Variants in DCDC2C observed in about 807,000 individuals in gnomAD.
DCDC2C encodes the protein doublecortin domain containing 2C.
DCDC2C carries 44 observed loss-of-function variants against 45.0 expected under a neutral mutation model. The ratio of observed to expected loss-of-function variants is 0.98; its 90% CI spans 0.77 to 1.26. The LOEUF (loss-of-function observed/expected upper bound fraction) is 1.26. Among genes scored for constraint, DCDC2C ranks in the 50% most tolerant of loss-of-function variants. DCDC2C has a pLI of 0.00. For synonymous variants in DCDC2C, 187 were observed against 178.8 expected (o/e 1.05, Z -0.37); for missense variants, 447 against 468.9 (o/e 0.95, Z 0.43).
intron 10 of DCDC2C, among the ~76,000 whole-genome samples, chr2:3,819,699 G>A (rs1671640798): frequency 6.6e-6 from 1 of 152,182 alleles, no homozygotes; most frequent in Non-Finnish European, 1.5e-5. Flanking sequence ...GAACTGGGCT[G>A]GGTTTTTATA....
At chr2:3,768,715 A>G (rs79561210) in intron 7 of DCDC2C, among the ~76,000 whole-genome samples, 15,447 of 152,170 alleles carry the variant, frequency 0.1, 1,076 homozygotes, top group East Asian at 0.3. Context: ...CTGGGACTAC[A>G]GGCACCTCTC....
At chr2:3,804,714 A>G (rs1671190783) in intron 10 of DCDC2C, among the ~76,000 whole-genome samples, 1 of 152,224 alleles carries the variant, frequency 6.6e-6, no homozygotes, top group Non-Finnish European at 1.5e-5. Flanking sequence ...ATTAGTTGTT[A>G]TAACAGACAT....
At chr2:3,788,160 G>A (rs1198796986) in intron 10 of DCDC2C, among the ~76,000 whole-genome samples, 3 of 152,050 alleles carry the variant, frequency 2.0e-5, no homozygotes, top group Admixed American at 1.3e-4. Flanking sequence ...ATTTCTCACT[G>A]GCTATTTTTT....
rs114205153 is a variant in DCDC2C at position 3,840,650 on chromosome 2, G to T, written c.1066-6504G>T. On this transcript the variant is annotated intron_variant, in intron 10 of 10. Coordinates refer to ENST00000399143, the MANE Select transcript of DCDC2C (RefSeq NM_001287444.2). Reference sequence around the variant, plus strand: ...AAATACCATGGTTTTACACATTTTGGTCAGCTTACTAATGTCTGGATTTTT... The same window carrying T: ...AAATACCATGGTTTTACACATTTTGTTCAGCTTACTAATGTCTGGATTTTT... Among the ~76,000 whole-genome samples, 1,231 of 152,112 alleles carry T rather than the reference G, an allele frequency of 8.1e-3. 21 individuals carry two copies. Among genetic ancestry groups the T allele is most frequent in the African/African-American group, 0.027 (1,140 of 41,486 alleles).
chr2:3,822,552 T>A (rs1671718709), intron 10 of DCDC2C, among the ~76,000 whole-genome samples: 2 of 151,774 alleles, frequency 1.3e-5, no homozygotes, highest in South Asian at 4.2e-4. Flanking sequence ...TTGCTGATTT[T>A]TTTTTTTCCA....
At chr2:3,755,455 ATG>A (rs918711334) in intron 6 of DCDC2C, among the ~76,000 whole-genome samples, 1,622 of 57,976 alleles carry the variant, frequency 0.028, 34 homozygotes, top group African/African-American at 0.078. Flanking sequence ...GTATGAATGC[ATG>A]TGTGTGTATG....
chr2:3,747,521 G>A (rs1392727550), intron 4 of DCDC2C, among the ~76,000 whole-genome samples: 1 of 152,198 alleles, frequency 6.6e-6, no homozygotes, highest in African/African-American at 2.4e-5. Context: ...TTGCCCCAGT[G>A]GACGTCACTT....
intron 6 of DCDC2C, 86 bp from the exon 7 acceptor site, chr2:3,767,668 C>G: frequency 6.8e-7 from 1 of 1,474,586 alleles, no homozygotes; most frequent in South Asian, 1.3e-5. Context: ...GAACTTGTGT[C>G]TTCCTGACCA....
At chr2:3,823,080 G>A (rs1671733639) in intron 10 of DCDC2C, among the ~76,000 whole-genome samples, 1 of 152,276 alleles carries the variant, frequency 6.6e-6, no homozygotes, top group Non-Finnish European at 1.5e-5. Flanking sequence ...AAATCTCCCA[G>A]TCTTGGGTAT....
Position 3,847,365 on chromosome 2 carries a change from C to T in DCDC2C, c.*182C>T, listed in dbSNP as rs1672359901. 1 of 390,920 alleles carries T rather than the reference C, an allele frequency of 2.6e-6. No homozygotes were observed. Among genetic ancestry groups the T allele is most frequent in the African/African-American group, 2.1e-5 (1 of 48,374 alleles). 24.2% of individuals were successfully genotyped at this position (390,920 alleles called of 1,614,324 possible). On this transcript the variant is annotated 3_prime_UTR_variant, in exon 11 of 11. Transcript: ENST00000399143. ...AATTGAGCTCCATTTCTTCTTATTC[C>T]CTTTCTCAGTGATATTTCTTTTTAG... is the stretch of plus-strand genomic sequence containing the variant.
At chr2:3,838,426 A>C (rs1672132389) in intron 10 of DCDC2C, among the ~76,000 whole-genome samples, 1 of 149,572 alleles carries the variant, frequency 6.7e-6, no homozygotes, top group African/African-American at 2.5e-5. Context: ...GTATTGAGTA[A>C]CTGTTGTGGT....
At chr2:3,771,003 C>T (rs7569924) in intron 8 of DCDC2C, among the ~76,000 whole-genome samples, 2,667 of 152,338 alleles carry the variant, frequency 0.018, 76 homozygotes, top group African/African-American at 0.061. Context: ...GGCGAAGTCT[C>T]AGTGAATGGA....
chr2:3,831,698 A>G (rs1201325802), intron 10 of DCDC2C, among the ~76,000 whole-genome samples: 1 of 152,224 alleles, frequency 6.6e-6, no homozygotes, highest in Non-Finnish European at 1.5e-5. Flanking sequence ...GCCTAATTGA[A>G]TTCAGCCATG....
chr2:3,769,612 C>T (rs565510011), intron 8 of DCDC2C, among the ~76,000 whole-genome samples: 1 of 152,216 alleles, frequency 6.6e-6, no homozygotes, highest in African/African-American at 2.4e-5. Flanking sequence ...ACAGCTTCTG[C>T]TGGAGAGACG....
At chr2:3,764,869 C>T (rs549322975) in intron 6 of DCDC2C, among the ~76,000 whole-genome samples, 3 of 152,050 alleles carry the variant, frequency 2.0e-5, no homozygotes, top group Non-Finnish European at 4.4e-5. Context: ...TGCTATAAAG[C>T]ACATTTTTGG....
intron 3 of DCDC2C, among the ~76,000 whole-genome samples, chr2:3,739,762 A>G (rs1219721823): frequency 6.6e-6 from 1 of 152,266 alleles, no homozygotes; most frequent in Admixed American, 6.5e-5. Flanking sequence ...CCGGGATACA[A>G]AGCCCTTTGT....
intron 10 of DCDC2C, among the ~76,000 whole-genome samples, chr2:3,791,950 C>G (rs1379286147): frequency 6.6e-6 from 1 of 152,012 alleles, no homozygotes; most frequent in African/African-American, 2.4e-5. Flanking sequence ...CAGGGAGCAC[C>G]CAATTCCTCA....
At chr2:3,704,166 G>A (rs1355791337) in intron 1 of DCDC2C, 128 bp downstream of exon 1, 9 of 940,074 alleles carry the variant, frequency 9.6e-6, no homozygotes, top group Non-Finnish European at 8.3e-6. Context: ...CCCATCTTTC[G>A]GCGTGGATCC....
intron 10 of DCDC2C, among the ~76,000 whole-genome samples, chr2:3,801,489 A>G (rs1476491759): frequency 6.6e-6 from 1 of 152,244 alleles, no homozygotes; most frequent in East Asian, 1.9e-4. Flanking sequence ...AGTAGAACAC[A>G]TTTCTTAATG....
Sources: gnomAD v4.1 joint callset for allele counts (sites outside exome capture counted in the v4.1 genomes callset) on GRCh38, gnomAD v4.1.1 for gene constraint, MANE v1.5 for transcripts, NCBI Gene and HGNC (gene_info 2026-07-23, HGNC 2026-07-21) for gene names.